The following ATF6 variants were observed in gnomAD, a reference collection of about 807,000 sequenced individuals.
ATF6 encodes activating transcription factor 6, also known as cyclic AMP-dependent transcription factor ATF-6 alpha.
ATF6 carries 53 observed loss-of-function variants against 83.6 expected under a neutral mutation model. The ratio of observed to expected loss-of-function variants is 0.63; its 90% confidence interval spans 0.51 to 0.80. The LOEUF (loss-of-function observed/expected upper bound fraction) is 0.80, where lower values mean the gene tolerates loss of function less well. ATF6 is among the 30% of genes least tolerant of loss of function. ATF6 has a pLI of 0.00. For synonymous variants in ATF6, 288 were observed against 285.8 expected (o/e 1.01, Z -0.08); for missense variants, 744 against 797.9 (o/e 0.93, Z 0.81).
At chr1:161,767,950 G>A (rs1200518397) in intron 1 of ATF6, among the ~76,000 whole-genome samples, 1 of 152,206 alleles carries the variant, frequency 6.6e-6, no homozygotes, top group Non-Finnish European at 1.5e-5. Context: ...CCGCCACTCG[G>A]GTTTGAGCGA....
chr1:161,767,429 A>G (rs1310056669), intron 1 of ATF6, among the ~76,000 whole-genome samples: 2 of 152,180 alleles, frequency 1.3e-5, no homozygotes, highest in East Asian at 3.8e-4. Flanking sequence ...TAGATTTTTT[A>G]AGAGTTGCTG....
In ATF6 at chr1:161,958,447, G is replaced by T; in HGVS notation, c.1806G>T (p.Glu602Asp). ...CTTTGTGTATATTCCTGTCTGCAGA[G>T]AATGTGATCAATGGGCAGGACTACG... Reference protein sequence around the residue: ...SIVLPAININENVINGQDYEV... With the variant: ...SIVLPAININDNVINGQDYEV... Residue 602 changes from glutamate (E) to aspartate (D), a missense_variant and splice_region_variant, in exon 16 of 16, where the codon GAG (glutamate) becomes GAT (aspartate). Glu to Asp is a conservative substitution (Grantham distance 45). Transcript: ENST00000367942. The T allele has an allele frequency of 6.2e-7, 1 of 1,600,156 alleles. No individual in the cohort carries two copies. Among genetic ancestry groups the T allele is most frequent in the Non-Finnish European group, 8.5e-7 (1 of 1,172,346 alleles).
chr1:161,924,524 C>T (rs947069531), intron 15 of ATF6, among the ~76,000 whole-genome samples: 3 of 152,126 alleles, frequency 2.0e-5, no homozygotes, highest in Non-Finnish European at 4.4e-5. Flanking sequence ...ACAAAAGTTG[C>T]CTTTGAACTC....
intron 15 of ATF6, among the ~76,000 whole-genome samples, chr1:161,940,025 C>T (rs1399504693): frequency 6.6e-6 from 1 of 152,290 alleles, no homozygotes; most frequent in African/African-American, 2.4e-5. Context: ...ACTCTTTCCT[C>T]AGCTGCCTCC....
chr1:161,772,970 T>G (rs1324725540), intron 1 of ATF6, among the ~76,000 whole-genome samples: 12 of 145,396 alleles, frequency 8.3e-5, no homozygotes, highest in African/African-American at 2.5e-4. Flanking sequence ...CCTGTTTTTT[T>G]TTTTTTTTTT....
intron 3 of ATF6, among the ~76,000 whole-genome samples, chr1:161,783,232 TGA>T (rs1684676080): frequency 6.6e-6 from 1 of 152,174 alleles, no homozygotes; most frequent in Admixed American, 6.5e-5. Flanking sequence ...TTCTCTTGAT[TGA>T]AGGAGTCAAG....
intron 9 of ATF6, among the ~76,000 whole-genome samples, chr1:161,835,326 G>A (rs761383592): frequency 6.6e-5 from 10 of 152,200 alleles, no homozygotes; most frequent in Non-Finnish European, 2.9e-5. Flanking sequence ...TAAGTGTTGG[G>A]ATTGCAGATG....
Position 161,963,571 on chromosome 1 carries a change from G to A in ATF6, c.*4917G>A, listed in dbSNP as rs1689147080. Reference sequence around the variant, plus strand: ...CTCAATGAAGTTGAATAAACCAGGAGGCTTGGCATATCCCCTTTATGTTAA... The same window carrying A: ...CTCAATGAAGTTGAATAAACCAGGAAGCTTGGCATATCCCCTTTATGTTAA... On this transcript the variant is annotated 3_prime_UTR_variant, in exon 16 of 16. Transcript: ENST00000367942. The A allele has an allele frequency of 6.6e-6, 1 of 152,192 alleles. No homozygotes were observed. Among genetic ancestry groups the A allele is most frequent in the African/African-American group, 2.4e-5 (1 of 41,434 alleles). 9.4% of individuals were successfully genotyped at this position (152,192 alleles called of 1,614,324 possible).
chr1:161,919,424 T>C (rs2101894109), intron 15 of ATF6, among the ~76,000 whole-genome samples: 1 of 152,332 alleles, frequency 6.6e-6, no homozygotes, highest in Non-Finnish European at 1.5e-5. Context: ...ACTTATGTTG[T>C]GGTAAAACTG....
chr1:161,947,022 T>A (rs1688760654), intron 15 of ATF6, among the ~76,000 whole-genome samples: 1 of 152,280 alleles, frequency 6.6e-6, no homozygotes, highest in Non-Finnish European at 1.5e-5. Flanking sequence ...TAAGAATGAC[T>A]GCTTCCATTT....
intron 13 of ATF6, among the ~76,000 whole-genome samples, chr1:161,862,708 A>G (rs1386812584): frequency 6.6e-6 from 1 of 152,136 alleles, no homozygotes; most frequent in Non-Finnish European, 1.5e-5. Context: ...AGGAGTGCCC[A>G]CTTGAGAAGT....
At chr1:161,943,462 C>A (rs10733046) in intron 15 of ATF6, among the ~76,000 whole-genome samples, 95,821 of 151,994 alleles carry the variant, frequency 0.63, 31,984 homozygotes, top group Non-Finnish European at 0.75. Flanking sequence ...TCAGGTATTT[C>A]TTCATAGCAG....
chr1:161,930,662 T>C (rs1688412854), intron 15 of ATF6, among the ~76,000 whole-genome samples: 1 of 152,128 alleles, frequency 6.6e-6, no homozygotes. Context: ...TATGCAGAGA[T>C]AGAGATTGAA....
At chr1:161,903,024 C>CT (rs1227916215) in intron 14 of ATF6, among the ~76,000 whole-genome samples, 1 of 151,896 alleles carries the variant, frequency 6.6e-6, no homozygotes, top group African/African-American at 2.4e-5. Flanking sequence ...ACTTCCAGAC[C>CT]TTTTTTTTCT....
At chr1:161,862,644 T>C (rs1288227755) in intron 13 of ATF6, among the ~76,000 whole-genome samples, 1 of 152,094 alleles carries the variant, frequency 6.6e-6, no homozygotes, top group African/African-American at 2.4e-5. Flanking sequence ...GGTTGTGTGG[T>C]TATACTCTTT....
At chr1:161,881,148 T>C (rs1350710621) in intron 14 of ATF6, among the ~76,000 whole-genome samples, 21 of 152,176 alleles carry the variant, frequency 1.4e-4, no homozygotes, top group Non-Finnish European at 2.5e-4. Flanking sequence ...TGTGTTGTTT[T>C]GTTTAGCAGC....
chr1:161,948,968 AAAT>A (rs1366814975), intron 15 of ATF6, among the ~76,000 whole-genome samples: 1 of 152,246 alleles, frequency 6.6e-6, no homozygotes, highest in Non-Finnish European at 1.5e-5. Context: ...CCAGAATGGC[AAAT>A]AATGTTTCAG....
intron 10 of ATF6, among the ~76,000 whole-genome samples, chr1:161,848,637 G>A (rs1272747647): frequency 6.6e-6 from 1 of 152,084 alleles, no homozygotes; most frequent in Non-Finnish European, 1.5e-5. Flanking sequence ...TACCAGTACT[G>A]CTGTCTTGGA....
intron 7 of ATF6, among the ~76,000 whole-genome samples, chr1:161,812,183 C>T (rs1451265486): frequency 6.6e-6 from 1 of 151,954 alleles, no homozygotes; most frequent in Non-Finnish European, 1.5e-5. Context: ...TGAAATGAAT[C>T]AGGGCCCTGA....
Sources: gnomAD v4.1 joint callset for allele counts (sites outside exome capture counted in the v4.1 genomes callset) on GRCh38, gnomAD v4.1.1 for gene constraint, MANE v1.5 for transcripts, NCBI Gene and HGNC (gene_info 2026-07-23, HGNC 2026-07-21) for gene names.